ACOX3: variants seen among roughly 807,000 people sequenced by gnomAD.
ACOX3 encodes the protein acyl-CoA oxidase 3, pristanoyl, also known as peroxisomal acyl-coenzyme A oxidase 3.
A neutral mutation model predicts 81.5 loss-of-function variants in ACOX3; 73 were observed. That is an observed-to-expected ratio of 0.90 (90% CI 0.74 to 1.09). The LOEUF is 1.09. Ranked by LOEUF, ACOX3 falls within the 50% of genes least tolerant of loss-of-function variation. The probability of loss-of-function intolerance (pLI) is 0.00; values close to 1 mark genes in which losing one functional copy is unlikely to be tolerated. For missense variants in ACOX3, 947 were observed against 928.0 expected, an observed-to-expected ratio of 1.02 and a Z score of -0.27; for synonymous variants, 387 against 375.1, an observed-to-expected ratio of 1.03 and a Z score of -0.37.
rs112647211 is a variant in ACOX3 at position 8,419,433 on chromosome 4, C to CAA, written c.-14-2900_-14-2899dup. Among the ~76,000 whole-genome samples, 4 of 111,422 alleles carry CAA rather than the reference C, an allele frequency of 3.6e-5. No homozygotes were observed. The highest frequency in any genetic ancestry group is 1.3e-4 in the African/African-American group (4 of 31,238). 73.1% of individuals were successfully genotyped at this position (111,422 alleles called of 152,430 possible). A position where few individuals can be genotyped will look rare whatever the true frequency, so the allele number is the denominator to read the frequency against. The stretch of plus-strand genomic sequence containing the variant: ...TGGGTGACAGAGTGAAACTCTGTCT[C>CAA]AAAAAAAAAAAGAAAAAAAGAAAAA... On this transcript the variant is annotated intron_variant, in intron 1 of 17. Transcript: ENST00000356406. The surrounding 1 kb of genome is among the most constrained non-coding windows in gnomAD (Gnocchi z 4.2).
chr4:8,414,952 C>T lies in ACOX3; in HGVS notation c.379-24G>A. On this transcript the variant is annotated intron_variant, in intron 3 of 17. Transcript: ENST00000356406. The surrounding 1 kb of genome is among the most constrained non-coding windows in gnomAD (Gnocchi z 6.1). ...ACCTGAAAGTATAACATCGTCCTAT[C>T]AACAGGGGGCAGGTAAGAAGAGTAC... 3.1e-6 allele frequency: 5 copies of T among 1,610,026 alleles called. No individual in the cohort carries two copies. The highest frequency in any genetic ancestry group is 4.3e-6 in the Non-Finnish European group (5 of 1,176,228).
Position 8,406,106 on chromosome 4 carries a change from A to C in ACOX3, c.688-63T>G. 2.7e-5 allele frequency: 41 copies of C among 1,502,352 alleles called. No homozygotes were observed. The highest frequency in any genetic ancestry group is 1.7e-4 in the Middle Eastern group (1 of 5,872). The allele number at this position is 1,502,352 out of a possible 1,614,324, so 93.1% of individuals were successfully genotyped here. A position where few individuals can be genotyped will look rare whatever the true frequency, so the allele number is the denominator to read the frequency against. On this transcript the variant is annotated intron_variant, in intron 6 of 17. Transcript: ENST00000356406. This position sits in a 1 kb window ranked among gnomAD's most constrained non-coding sequence, Gnocchi z 5.6. Reference sequence around the variant, plus strand: ...TACAATCACACAAAAATCAAAACAAATGTGTTCAGAAACCCACAGGGTGGG... The same window carrying C: ...TACAATCACACAAAAATCAAAACAACTGTGTTCAGAAACCCACAGGGTGGG...
intron 6 of ACOX3, among the ~76,000 whole-genome samples, chr4:8,408,709 C>T (rs1721307791): frequency 6.6e-6 from 1 of 152,074 alleles, no homozygotes; most frequent in Admixed American, 6.5e-5. Flanking sequence ...CTCCTAAAAC[C>T]CTGGACTCTC....
intron 14 of ACOX3, among the ~76,000 whole-genome samples, chr4:8,376,009 C>A (rs1309655296): frequency 6.6e-6 from 1 of 152,060 alleles, no homozygotes; most frequent in African/African-American, 2.4e-5. Context: ...AGGATGATTG[C>A]TTTTCTTTGG....
At chr4:8,404,993 AG>A (rs1334888616) in intron 7 of ACOX3, among the ~76,000 whole-genome samples, 2 of 152,140 alleles carry the variant, frequency 1.3e-5, no homozygotes, top group African/African-American at 4.8e-5. Context: ...GCCAGTGGCC[AG>A]GAAGTTCAAG....
the ACOX3 span, among the ~76,000 whole-genome samples, chr4:8,359,910 G>T: frequency 2.6e-5 from 4 of 152,208 alleles, no homozygotes; most frequent in African/African-American, 9.7e-5. This position sits in a 1 kb window ranked among gnomAD's most constrained non-coding sequence, Gnocchi z 6.0. Context: ...AGCCAACCAG[G>T]TCTGGTGTGC....
chr4:8,390,779 A>T (rs1718898508), intron 11 of ACOX3, among the ~76,000 whole-genome samples: 1 of 152,130 alleles, frequency 6.6e-6, no homozygotes, highest in Non-Finnish European at 1.5e-5. Context: ...GCATGAAAGG[A>T]GTCCTATTGC....
In ACOX3 at chr4:8,394,563, C is replaced by G; in HGVS notation, c.1179+57G>C. ...CTTTGAAATGAAGGTTGAATCTATG[C>G]TGCTCCAACCGTGTGAGATTTAAAC... On this transcript the variant is annotated intron_variant, in intron 10 of 17. Coordinates refer to ENST00000356406, the MANE Select transcript of ACOX3 (RefSeq NM_003501.3). The surrounding 1 kb of genome is among the most constrained non-coding windows in gnomAD (Gnocchi z 5.9). 6.3e-7 allele frequency: 1 copy of G among 1,594,844 alleles called. No individual in the cohort carries two copies. Among genetic ancestry groups the G allele is most frequent in the Non-Finnish European group, 8.6e-7 (1 of 1,169,146 alleles).
rs1017096027 is a variant in ACOX3, at chr4:8,437,511, T to C, written c.-15+3137A>G. On this transcript the variant is annotated intron_variant, in intron 1 of 17. Transcript: ENST00000356406. The surrounding 1 kb of genome is among the most constrained non-coding windows in gnomAD (Gnocchi z 5.2). ...ACTGCCTGGCCCCGCCAGGTGGCCA[T>C]AGAAGCAGGAGAACTCAGGAAGGAA... Among the ~76,000 whole-genome samples, 15 of 151,918 alleles carry C rather than the reference T, an allele frequency of 9.9e-5. No homozygotes were observed. Among genetic ancestry groups the C allele is most frequent in the African/African-American group, 3.2e-4 (13 of 41,258 alleles).
chr4:8,433,754 T>C (rs1724076802), intron 1 of ACOX3, among the ~76,000 whole-genome samples: 1 of 152,210 alleles, frequency 6.6e-6, no homozygotes, highest in African/African-American at 2.4e-5. Context: ...AAAATCCCAA[T>C]GGAGGGATTA....
Position 8,414,823 on chromosome 4 carries a change from G to T in ACOX3, c.453+31C>A. The T allele has an allele frequency of 6.3e-7, 1 of 1,598,186 alleles. No homozygotes were observed. The highest frequency in any genetic ancestry group is 2.2e-5 in the East Asian group (1 of 44,814). On this transcript the variant is annotated intron_variant, in intron 4 of 17. Transcript: ENST00000356406. The surrounding 1 kb of genome is among the most constrained non-coding windows in gnomAD (Gnocchi z 6.1). ...CTACAGAGATCAAGCAAGAGAACCA[G>T]GCTCACAATTTACCATGAACCAGAA...
intron 14 of ACOX3, among the ~76,000 whole-genome samples, chr4:8,377,497 G>A (rs1330489220): frequency 6.6e-6 from 1 of 152,210 alleles, no homozygotes; most frequent in Non-Finnish European, 1.5e-5. Flanking sequence ...AGGCGTCATG[G>A]CTCCAAGCCT....
intron 13 of ACOX3, among the ~76,000 whole-genome samples, chr4:8,388,073 G>A (rs986536817): frequency 3.3e-5 from 5 of 152,244 alleles, no homozygotes; most frequent in African/African-American, 4.8e-5. Flanking sequence ...CGAGATGCAT[G>A]CTCACATCGA....
intron 5 of ACOX3, among the ~76,000 whole-genome samples, chr4:8,412,887 C>T (rs1721883677): frequency 6.6e-6 from 1 of 151,366 alleles, no homozygotes; most frequent in South Asian, 2.1e-4. Context: ...CCCTGTGCCC[C>T]TCCACAGCAC....
intron 14 of ACOX3, among the ~76,000 whole-genome samples, chr4:8,375,891 C>G (rs1298129502): frequency 6.6e-6 from 1 of 152,194 alleles, no homozygotes; most frequent in African/African-American, 2.4e-5. Context: ...TCTATGTACC[C>G]CATTTTCTTT....
rs1717587119 is a variant in ACOX3 at position 8,381,085 on chromosome 4, G to A, written c.1653+407C>T. Among the ~76,000 whole-genome samples the A allele has an allele frequency of 6.6e-6, 1 of 152,192 alleles. No homozygotes were observed. Among genetic ancestry groups the A allele is most frequent in the African/African-American group, 2.4e-5 (1 of 41,444 alleles). On this transcript the variant is annotated intron_variant, in intron 14 of 17. Coordinates refer to ENST00000356406, the MANE Select transcript of ACOX3 (RefSeq NM_003501.3). The surrounding 1 kb of genome is among the most constrained non-coding windows in gnomAD (Gnocchi z 4.3). ...TGACCCACTCACCATTGCCACCCCA[G>A]CCCCTCGGGAAGGCGAGAGCAACTT...
rs527258438 is a variant in ACOX3, at chr4:8,417,711, C to T, written c.-14-1176G>A. ...AAGAAAATAATAAAAGATAGAGCAA[C>T]TGTGAATGAAACAGAGAACAGAAAA... On this transcript the variant is annotated intron_variant, in intron 1 of 17. Transcript: ENST00000356406. Among the ~76,000 whole-genome samples the T allele has an allele frequency of 7.0e-4, 106 of 152,268 alleles. 1 individual carries two copies. Among genetic ancestry groups the T allele is most frequent in the African/African-American group, 2.5e-3 (105 of 41,548 alleles).
intron 6 of ACOX3, 86 bp downstream of exon 6, chr4:8,410,126 T>C: frequency 6.7e-7 from 1 of 1,500,030 alleles, no homozygotes; most frequent in South Asian, 1.3e-5. Context: ...TGCCCCACCC[T>C]TGTTATGACA....
At chr4:8,397,891 C>T (rs556134509) in intron 8 of ACOX3, among the ~76,000 whole-genome samples, 3 of 152,334 alleles carry the variant, frequency 2.0e-5, no homozygotes, top group Admixed American at 6.5e-5. Flanking sequence ...CCGGGTGCGG[C>T]GGCTCACGCC....
Sources: gnomAD v4.1 joint callset for allele counts (sites outside exome capture counted in the v4.1 genomes callset) on GRCh38, gnomAD v4.1.1 for gene constraint, Gnocchi (gnomAD v3.1) non-coding constraint, MANE v1.5 for transcripts, NCBI Gene and HGNC (gene_info 2026-07-23, HGNC 2026-07-21) for gene names.